The following AGBL4 variants were observed in gnomAD, a reference collection of about 807,000 sequenced individuals.
The protein encoded by AGBL4 is AGBL carboxypeptidase 4.
A neutral mutation model predicts 66.4 loss-of-function variants in AGBL4; 58 were observed. The observed-to-expected ratio is 0.87, with a 90% CI of 0.71 to 1.09. The LOEUF (loss-of-function observed/expected upper bound fraction) is 1.09. Ranked by LOEUF, AGBL4 falls within the 50% of genes least tolerant of loss-of-function variation. The pLI, the probability that AGBL4 is intolerant of heterozygous loss-of-function variation, is 0.00. For missense variants in AGBL4, 579 were observed against 631.0 expected (o/e 0.92, Z 0.88); for synonymous variants, 234 against 222.9 (o/e 1.05, Z -0.44).
intron 11 of AGBL4, among the ~76,000 whole-genome samples, chr1:48,543,667 C>T (rs1351178108): frequency 1.3e-5 from 2 of 152,168 alleles, no homozygotes; most frequent in Admixed American, 6.5e-5. Flanking sequence ...CATCCAGGAC[C>T]ATGGAGATGG....
intron 3 of AGBL4, among the ~76,000 whole-genome samples, chr1:49,291,155 T>C (rs2148426525): frequency 6.6e-6 from 1 of 152,362 alleles, no homozygotes; most frequent in East Asian, 1.9e-4. Flanking sequence ...TTCCAAGGGA[T>C]GACTGTATAT....
intron 3 of AGBL4, among the ~76,000 whole-genome samples, chr1:49,603,695 A>G (rs1476073402): frequency 6.6e-6 from 1 of 151,984 alleles, no homozygotes; most frequent in Admixed American, 6.6e-5. Flanking sequence ...CCCAACAGGT[A>G]GTTTTTCTAC....
At chr1:49,240,939 A>G (rs1651179411) in intron 4 of AGBL4, among the ~76,000 whole-genome samples, 1 of 151,810 alleles carries the variant, frequency 6.6e-6, no homozygotes, top group African/African-American at 2.4e-5. Context: ...AAATGACATC[A>G]TCCCTTCTGT....
chr1:49,148,850 A>C (rs930565825), intron 4 of AGBL4, among the ~76,000 whole-genome samples: 2 of 152,210 alleles, frequency 1.3e-5, no homozygotes, highest in East Asian at 3.8e-4. Flanking sequence ...GGCTTGTCCC[A>C]TGTCCCAGTT....
intron 6 of AGBL4, among the ~76,000 whole-genome samples, chr1:48,696,274 C>A (rs903326181): frequency 6.6e-6 from 1 of 152,168 alleles, no homozygotes; most frequent in Admixed American, 6.5e-5. Flanking sequence ...ATCAGGTGAT[C>A]GCACAGATTT....
chr1:48,560,392 G>T (rs1264652136), intron 11 of AGBL4, among the ~76,000 whole-genome samples: 2 of 152,148 alleles, frequency 1.3e-5, no homozygotes, highest in Non-Finnish European at 2.9e-5. Flanking sequence ...ATGGCAATAG[G>T]TTGCCTAGGA....
intron 3 of AGBL4, among the ~76,000 whole-genome samples, chr1:49,655,317 G>A (rs1224221954): frequency 6.6e-6 from 1 of 152,200 alleles, no homozygotes; most frequent in Non-Finnish European, 1.5e-5. Context: ...CTGTTAGTCT[G>A]ATGGGCTTCC....
chr1:49,114,613 C>T (rs1645478339), intron 4 of AGBL4, among the ~76,000 whole-genome samples: 1 of 152,182 alleles, frequency 6.6e-6, no homozygotes, highest in African/African-American at 2.4e-5. Flanking sequence ...AAGATACCTT[C>T]CTTACTAAGA....
chr1:49,948,205 AATATATAAATAT>A (rs1557608883), intron 1 of AGBL4, among the ~76,000 whole-genome samples: 1 of 100,010 alleles, frequency 1.0e-5, no homozygotes, highest in Non-Finnish European at 1.7e-5. Context: ...TATAAATATA[AATATATAAATAT>A]ATATAAATAT....
intron 11 of AGBL4, among the ~76,000 whole-genome samples, chr1:48,548,847 C>A (rs777471073): frequency 6.6e-6 from 1 of 152,234 alleles, no homozygotes; most frequent in East Asian, 1.9e-4. Context: ...TGATGAGTCA[C>A]ATCAAGTATT....
At chr1:49,617,993 A>G (rs968780769) in intron 3 of AGBL4, among the ~76,000 whole-genome samples, 1 of 152,106 alleles carries the variant, frequency 6.6e-6, no homozygotes, top group Non-Finnish European at 1.5e-5. Flanking sequence ...TCCTAATGCT[A>G]TCCCTCCCCC....
intron 2 of AGBL4, among the ~76,000 whole-genome samples, chr1:49,826,548 C>A (rs938501133): frequency 1.3e-5 from 2 of 152,202 alleles, no homozygotes; most frequent in African/African-American, 4.8e-5. Flanking sequence ...GGAACCATAT[C>A]AGGTTTTCAT....
At chr1:49,214,664 A>T (rs1416824420) in intron 4 of AGBL4, among the ~76,000 whole-genome samples, 1 of 152,092 alleles carries the variant, frequency 6.6e-6, no homozygotes, top group Non-Finnish European at 1.5e-5. Context: ...AGGTTCCCCC[A>T]CTTATCCTTA....
At chr1:49,087,698 A>C (rs759014321) in intron 4 of AGBL4, among the ~76,000 whole-genome samples, 4 of 152,208 alleles carry the variant, frequency 2.6e-5, no homozygotes, top group Non-Finnish European at 5.9e-5. Context: ...CCCTAACCTC[A>C]CTAGGCAGGC....
At chr1:48,923,268 C>T (rs879892638) in intron 5 of AGBL4, among the ~76,000 whole-genome samples, 1 of 152,142 alleles carries the variant, frequency 6.6e-6, no homozygotes, top group Admixed American at 6.6e-5. Flanking sequence ...AACTCAAACC[C>T]ATGTCATCTC....
At chr1:48,626,899 G>T (rs148304804) in intron 9 of AGBL4, among the ~76,000 whole-genome samples, 84 of 152,278 alleles carry the variant, frequency 5.5e-4, no homozygotes, top group African/African-American at 1.7e-3. Flanking sequence ...AACAGGGGTG[G>T]TTCTGTCTTT....
At chr1:49,904,244 G>C (rs1028832428) in intron 1 of AGBL4, among the ~76,000 whole-genome samples, 3 of 152,000 alleles carry the variant, frequency 2.0e-5, no homozygotes, top group African/African-American at 7.2e-5. Flanking sequence ...GACCTTGAAG[G>C]GTCTTAGAGC....
At chr1:49,741,802 T>C (rs369441099) in intron 2 of AGBL4, among the ~76,000 whole-genome samples, 8 of 152,108 alleles carry the variant, frequency 5.3e-5, no homozygotes, top group East Asian at 1.9e-4. Context: ...ACAAAAACCA[T>C]ATGATTATCT....
intron 1 of AGBL4, among the ~76,000 whole-genome samples, chr1:49,915,843 C>A (rs946987978): frequency 1.3e-5 from 2 of 152,132 alleles, no homozygotes; most frequent in African/African-American, 4.8e-5. Flanking sequence ...CTAATAGGGG[C>A]AGACTGACAC....
Sources: gnomAD v4.1 joint callset for allele counts (sites outside exome capture counted in the v4.1 genomes callset) on GRCh38, gnomAD v4.1.1 for gene constraint, MANE v1.5 for transcripts, NCBI Gene and HGNC (gene_info 2026-07-23, HGNC 2026-07-21) for gene names.